Variants in SUPT3H observed in about 807,000 individuals in gnomAD.
SUPT3H encodes SPT3 homolog, SAGA and STAGA complex component, also known as transcription initiation protein SPT3 homolog.
SUPT3H carries 44 observed loss-of-function variants against 44.3 expected under a neutral mutation model. That is an observed-to-expected ratio of 0.99 (90% CI 0.78 to 1.28). The LOEUF is 1.28. SUPT3H is among the 50% of genes most tolerant of loss of function. SUPT3H has a pLI of 0.00. For missense variants in SUPT3H, 380 were observed against 387.1 expected (o/e 0.98, Z 0.15); for synonymous variants, 124 against 125.6 (o/e 0.99, Z 0.09).
intron 6 of SUPT3H, among the ~76,000 whole-genome samples, chr6:44,980,245 T>TAA (rs759022169): frequency 3.9e-5 from 5 of 128,980 alleles, no homozygotes; most frequent in Non-Finnish European, 5.0e-5. Flanking sequence ...ACCCTTTCTC[T>TAA]AAAAAAAAAA....
intron 5 of SUPT3H, among the ~76,000 whole-genome samples, chr6:45,004,501 T>A (rs1782439569): frequency 6.6e-6 from 1 of 151,908 alleles, no homozygotes. Flanking sequence ...TCCATAGATC[T>A]TTTTCTTCAT....
At chr6:45,324,352 C>A (rs1161074019) in intron 2 of SUPT3H, among the ~76,000 whole-genome samples, 4 of 151,920 alleles carry the variant, frequency 2.6e-5, no homozygotes, top group African/African-American at 9.7e-5. Context: ...GAAATTAAGT[C>A]TCTATAATCA....
chr6:44,936,857 G>C (rs890908962), intron 9 of SUPT3H, among the ~76,000 whole-genome samples: 14 of 152,018 alleles, frequency 9.2e-5, no homozygotes, highest in Non-Finnish European at 1.6e-4. Context: ...AGTAGAGACA[G>C]GGTTTTGCCA....
rs142625953 is a variant in SUPT3H, at chr6:45,275,615, G to GA, written c.101+89585dup. ...CTGGAACAGGAAAATTCCACTGGAG[G>GA]AAAAACTGGTGAAATTTAAATAAGG... On this transcript the variant is annotated intron_variant, in intron 2 of 10. Coordinates refer to ENST00000371459, the MANE Select transcript of SUPT3H (RefSeq NM_003599.4). Among the ~76,000 whole-genome samples the GA allele has an allele frequency of 6.0e-3, 906 of 152,220 alleles. 16 individuals carry two copies. Among genetic ancestry groups the GA allele is most frequent in the African/African-American group, 0.021 (858 of 41,560 alleles).
chr6:44,950,812 C>T (rs1241108417), intron 9 of SUPT3H, among the ~76,000 whole-genome samples: 28 of 137,946 alleles, frequency 2.0e-4, no homozygotes, highest in Admixed American at 7.1e-4. Flanking sequence ...TTTTTTTTTT[C>T]CTCTTGTTTT....
At chr6:44,842,622 A>T (rs77142352) in intron 10 of SUPT3H, among the ~76,000 whole-genome samples, 3,571 of 151,682 alleles carry the variant, frequency 0.024, 136 homozygotes, top group African/African-American at 0.078. Context: ...ATTTTTTTTT[A>T]AAAAAATGCT....
intron 2 of SUPT3H, among the ~76,000 whole-genome samples, chr6:45,128,692 C>CTT (rs200994462): frequency 0.023 from 3,188 of 141,138 alleles, 144 homozygotes; most frequent in African/African-American, 0.076. Flanking sequence ...TTAAAAGATT[C>CTT]TTTTTTTTTT....
intron 2 of SUPT3H, among the ~76,000 whole-genome samples, chr6:45,338,521 G>A (rs188395859): frequency 6.6e-6 from 1 of 152,118 alleles, no homozygotes; most frequent in East Asian, 1.9e-4. Flanking sequence ...ACTGATTTCA[G>A]GTAGCTGCCA....
At chr6:45,178,139 G>C (rs998230429) in intron 2 of SUPT3H, among the ~76,000 whole-genome samples, 1 of 152,122 alleles carries the variant, frequency 6.6e-6, no homozygotes, top group African/African-American at 2.4e-5. Flanking sequence ...TGGATAAAGA[G>C]TCAAGACCCA....
chr6:45,317,666 C>T (rs1784907849), intron 2 of SUPT3H, among the ~76,000 whole-genome samples: 2 of 152,066 alleles, frequency 1.3e-5, no homozygotes, highest in Non-Finnish European at 1.5e-5. Flanking sequence ...AGATCCTTAT[C>T]TAACAACATA....
chr6:44,876,765 A>C (rs1452612279), intron 10 of SUPT3H, among the ~76,000 whole-genome samples: 1 of 151,570 alleles, frequency 6.6e-6, no homozygotes, highest in African/African-American at 2.4e-5. Context: ...TGAAAATGAA[A>C]ACACAAAAGC....
chr6:45,071,901 G>C (rs1216378599), intron 3 of SUPT3H, among the ~76,000 whole-genome samples: 1 of 152,144 alleles, frequency 6.6e-6, no homozygotes, highest in Non-Finnish European at 1.5e-5. Context: ...GAATTCAAAG[G>C]TCCTTGAGAG....
chr6:45,325,794 T>C (rs561079162), intron 2 of SUPT3H, among the ~76,000 whole-genome samples: 7 of 152,072 alleles, frequency 4.6e-5, no homozygotes, highest in African/African-American at 1.7e-4. Context: ...AACACACTGT[T>C]ATCAAATGTG....
At chr6:45,213,875 A>G (rs1764546235) in intron 2 of SUPT3H, among the ~76,000 whole-genome samples, 1 of 152,054 alleles carries the variant, frequency 6.6e-6, no homozygotes, top group African/African-American at 2.4e-5. Flanking sequence ...CTGGGAATCA[A>G]TTTGAAAGTT....
intron 2 of SUPT3H, among the ~76,000 whole-genome samples, chr6:45,290,174 C>T (rs1288796619): frequency 7.9e-5 from 12 of 151,184 alleles, no homozygotes; most frequent in Admixed American, 3.3e-4. Flanking sequence ...AGTGAGACCC[C>T]GTCTCAAAAA....
chr6:44,881,715 C>T (rs1778250109), intron 10 of SUPT3H, among the ~76,000 whole-genome samples: 1 of 152,158 alleles, frequency 6.6e-6, no homozygotes, highest in South Asian at 2.1e-4. Flanking sequence ...CAAATTAGAA[C>T]TCAGGATTAA....
intron 2 of SUPT3H, among the ~76,000 whole-genome samples, chr6:45,268,470 G>A (rs767049198): frequency 1.3e-5 from 2 of 152,022 alleles, no homozygotes; most frequent in African/African-American, 4.8e-5. Flanking sequence ...TTTAATGAAC[G>A]ATTCGGATAA....
intron 1 of SUPT3H, chr6:45,377,515 G>A (rs952294862): frequency 2.0e-5 from 3 of 152,146 alleles, no homozygotes; most frequent in African/African-American, 7.2e-5. Context: ...CGCCAAAAGG[G>A]AGGAGTCGAG....
At chr6:45,280,457 G>T (rs779294155) in intron 2 of SUPT3H, among the ~76,000 whole-genome samples, 1 of 152,104 alleles carries the variant, frequency 6.6e-6, no homozygotes, top group Non-Finnish European at 1.5e-5. Context: ...GGTGAGCCAA[G>T]ATCATGCCAC....
Sources: allele counts gnomAD v4.1 joint callset (sites outside exome capture counted in the v4.1 genomes callset), GRCh38; gene constraint gnomAD v4.1.1; transcripts MANE v1.5; gene names NCBI Gene and HGNC (gene_info 2026-07-23, HGNC 2026-07-21).